MTREX: variants seen among roughly 807,000 people sequenced by gnomAD.
MTREX encodes the protein Mtr4 exosome RNA helicase.
MTREX carries 76 observed loss-of-function variants against 135.4 expected under a neutral mutation model. The observed-to-expected ratio is 0.56, with a 90% CI of 0.47 to 0.68. The LOEUF is 0.68. MTREX is among the 30% of genes least tolerant of loss of function. The pLI is 0.00. For missense variants in MTREX, 920 were observed against 1,262.1 expected, an observed-to-expected ratio of 0.73 and a Z score of 4.11; for synonymous variants, 404 against 401.6, an observed-to-expected ratio of 1.01 and a Z score of -0.07.
chr5:55,368,429 GACAGAGCGAGACTCCATCTC>G (rs1258374468), intron 16 of MTREX, among the ~76,000 whole-genome samples: 1 of 152,124 alleles, frequency 6.6e-6, no homozygotes, highest in African/African-American at 2.4e-5. Context: ...CAGCCTGGGT[GACAGAGCGAGACTCCATCTC>G]AAAAAAAGAA....
At chr5:55,374,608 C>G (rs1232444966) in intron 16 of MTREX, among the ~76,000 whole-genome samples, 2 of 152,070 alleles carry the variant, frequency 1.3e-5, no homozygotes, top group African/African-American at 4.8e-5. Flanking sequence ...ACTTGTGTTT[C>G]TTAAAACACA....
At chr5:55,318,054 C>G (rs2112025694) in intron 1 of MTREX, among the ~76,000 whole-genome samples, 1 of 152,212 alleles carries the variant, frequency 6.6e-6, no homozygotes, top group Non-Finnish European at 1.5e-5. Flanking sequence ...AATTGCAAAT[C>G]AAAACCACAA....
chr5:55,422,409 A>G (rs1421238592), intron 25 of MTREX, among the ~76,000 whole-genome samples: 2 of 152,200 alleles, frequency 1.3e-5, no homozygotes, highest in African/African-American at 4.8e-5. Context: ...TGCTAAAAAC[A>G]GTCTGTTGCA....
intron 1 of MTREX, among the ~76,000 whole-genome samples, chr5:55,310,343 G>T (rs1211904798): frequency 1.3e-5 from 2 of 152,196 alleles, no homozygotes; most frequent in African/African-American, 2.4e-5. Flanking sequence ...GGGCGTGGTG[G>T]CTCACGCCTC....
chr5:55,365,709 T>G (rs35185657), intron 15 of MTREX, among the ~76,000 whole-genome samples: 7 of 152,268 alleles, frequency 4.6e-5, no homozygotes, highest in Admixed American at 4.6e-4. Context: ...AATATACTTC[T>G]GAAGGCCCGG....
chr5:55,387,324 G>A (rs1388449962), intron 18 of MTREX, among the ~76,000 whole-genome samples: 1 of 152,036 alleles, frequency 6.6e-6, no homozygotes, highest in African/African-American at 2.4e-5. Flanking sequence ...AATAGGAACT[G>A]TCCTGGGTGG....
intron 18 of MTREX, among the ~76,000 whole-genome samples, chr5:55,381,070 C>T (rs937617648): frequency 7.9e-5 from 12 of 152,064 alleles, no homozygotes; most frequent in East Asian, 1.9e-4. Context: ...TACAGTTATT[C>T]GTAGTATTAT....
chr5:55,326,038 T>C (rs1212426544), intron 3 of MTREX, among the ~76,000 whole-genome samples: 1 of 152,210 alleles, frequency 6.6e-6, no homozygotes, highest in Non-Finnish European at 1.5e-5. Flanking sequence ...ACAGGTGTGA[T>C]GTCCATTTGA....
chr5:55,321,861 G>A (rs1322288237), intron 1 of MTREX, among the ~76,000 whole-genome samples: 4 of 151,916 alleles, frequency 2.6e-5, no homozygotes, highest in African/African-American at 9.7e-5. Context: ...ATCCACCTCG[G>A]CCTCCCAAAG....
intron 3 of MTREX, among the ~76,000 whole-genome samples, chr5:55,325,535 A>C (rs1749365026): frequency 6.7e-6 from 1 of 150,008 alleles, no homozygotes; most frequent in African/African-American, 2.5e-5. Flanking sequence ...TTTTTAGTAG[A>C]GACTGGGTTT....
chr5:55,356,101 G>A (rs1451525164), intron 14 of MTREX, among the ~76,000 whole-genome samples: 1 of 152,226 alleles, frequency 6.6e-6, no homozygotes, highest in Non-Finnish European at 1.5e-5. Flanking sequence ...AGCCCCCTGT[G>A]CCACCTCTAC....
intron 18 of MTREX, among the ~76,000 whole-genome samples, chr5:55,385,773 AT>A (rs1750468614): frequency 6.6e-6 from 1 of 152,190 alleles, no homozygotes; most frequent in Non-Finnish European, 1.5e-5. Context: ...GGAGAGAAAA[AT>A]TATAGCTAAC....
intron 16 of MTREX, among the ~76,000 whole-genome samples, chr5:55,367,492 A>C (rs1295016036): frequency 6.6e-6 from 1 of 152,018 alleles, no homozygotes; most frequent in Non-Finnish European, 1.5e-5. Context: ...CTCAAAAAAA[A>C]AAAAAAAGCA....
At chr5:55,343,486 A>G (rs377597877) in intron 8 of MTREX, 31 bp downstream of exon 8, 106 of 1,585,394 alleles carry the variant, frequency 6.7e-5, no homozygotes, top group African/African-American at 1.5e-4. Context: ...GATGTCTTCA[A>G]TATTCAAAAT....
chr5:55,418,336 G>T (rs1751004663), intron 25 of MTREX, among the ~76,000 whole-genome samples: 1 of 148,720 alleles, frequency 6.7e-6, no homozygotes, highest in African/African-American at 2.5e-5. Context: ...ATATAAAATT[G>T]TCTTTATGGA....
intron 15 of MTREX, among the ~76,000 whole-genome samples, 200 bp from the exon 16 acceptor site, chr5:55,366,525 A>G (rs1376429047): frequency 6.6e-6 from 1 of 152,128 alleles, no homozygotes; most frequent in East Asian, 1.9e-4. Context: ...TATTTTAAAT[A>G]CTTTCATACT....
Position 55,317,899 on chromosome 5 carries a change from AG to A in MTREX, c.135-4427del, listed in dbSNP as rs527571462. ...TGCATTTGACAAAGGTCTAATATGC[AG>A]CATTTATAAGGAACTTAAATTTACA... On this transcript the variant is annotated intron_variant, in intron 1 of 26. Transcript: ENST00000230640. Among the ~76,000 whole-genome samples, 77 of 152,372 alleles carry A rather than the reference AG, an allele frequency of 5.1e-4. 2 individuals are homozygous for A. In the South Asian group the frequency reaches 0.016, roughly 31 times the overall value.
intron 1 of MTREX, among the ~76,000 whole-genome samples, chr5:55,321,104 G>C (rs188999092): frequency 6.6e-6 from 1 of 152,120 alleles, no homozygotes; most frequent in Non-Finnish European, 1.5e-5. Context: ...TGGTTTGACT[G>C]TTGCCATTTT....
At chr5:55,332,559 T>C (rs1413792467) in intron 5 of MTREX, among the ~76,000 whole-genome samples, 1 of 152,192 alleles carries the variant, frequency 6.6e-6, no homozygotes, top group Non-Finnish European at 1.5e-5. Flanking sequence ...TGGCTCATGG[T>C]TCTGGAAGCT....
Sources: gnomAD v4.1 joint callset for allele counts (sites outside exome capture counted in the v4.1 genomes callset) on GRCh38, gnomAD v4.1.1 for gene constraint, MANE v1.5 for transcripts, NCBI Gene and HGNC (gene_info 2026-07-23, HGNC 2026-07-21) for gene names.